Variants in CFAP54 observed in about 807,000 individuals in gnomAD.
CFAP54 encodes cilia- and flagella-associated protein 54.
CFAP54 carries 290 observed loss-of-function variants against 370.4 expected under a neutral mutation model. The observed-to-expected ratio is 0.78, with a 90% CI of 0.71 to 0.86. The LOEUF (loss-of-function observed/expected upper bound fraction) is 0.86. Ranked by LOEUF, CFAP54 falls within the 40% of genes least tolerant of loss-of-function variation. CFAP54 has a pLI of 0.00. For missense variants in CFAP54, 3,399 were observed against 3,528.7 expected, an observed-to-expected ratio of 0.96 and a Z score of 0.93; for synonymous variants, 1,206 against 1,236.5, an observed-to-expected ratio of 0.98 and a Z score of 0.52.
At chr12:96,776,737 G>A (rs1378731108) in intron 60 of CFAP54, among the ~76,000 whole-genome samples, 2 of 152,112 alleles carry the variant, frequency 1.3e-5, no homozygotes, top group African/African-American at 4.8e-5. Flanking sequence ...TTTGAACTCT[G>A]TTATATCAAA....
intron 56 of CFAP54, 111 bp from the exon 57 acceptor site, chr12:96,756,347 A>T: frequency 3.2e-6 from 2 of 633,968 alleles, no homozygotes; most frequent in Non-Finnish European, 5.4e-6. Flanking sequence ...AGACAGACAT[A>T]CAAAAGGACA....
intron 60 of CFAP54, among the ~76,000 whole-genome samples, chr12:96,775,435 A>C (rs1018842266): frequency 3.1e-4 from 47 of 151,542 alleles, no homozygotes; most frequent in Non-Finnish European, 5.8e-4. Flanking sequence ...TCCCCGACCC[A>C]AAAAAAAACT....
intron 36 of CFAP54, among the ~76,000 whole-genome samples, chr12:96,656,388 T>G (rs1245651710): frequency 6.6e-6 from 1 of 152,060 alleles, no homozygotes; most frequent in Non-Finnish European, 1.5e-5. Flanking sequence ...TTGTTGGTTT[T>G]TTTTTTGAGA....
chr12:96,871,478 C>T (rs7137724), intron 67 of CFAP54, among the ~76,000 whole-genome samples: 122,834 of 152,164 alleles, frequency 0.81, 50,217 homozygotes, highest in African/African-American at 0.94. Flanking sequence ...AACTCAACGA[C>T]GTTGCCCACA....
intron 32 of CFAP54, among the ~76,000 whole-genome samples, chr12:96,632,580 G>C (rs1216228443): frequency 6.6e-6 from 1 of 151,842 alleles, no homozygotes; most frequent in Non-Finnish European, 1.5e-5. Context: ...TCTCTTCTCT[G>C]TTTGATTAGT....
intron 8 of CFAP54, among the ~76,000 whole-genome samples, chr12:96,523,421 T>A (rs748836993): frequency 1.3e-5 from 2 of 152,218 alleles, no homozygotes; most frequent in African/African-American, 4.8e-5. Flanking sequence ...AGTAATCCTT[T>A]TTCTTTCTTT....
Position 96,691,214 on chromosome 12 carries a change from A to T in CFAP54, c.6168A>T (p.Glu2056Asp). The change falls in exon 44 of 68, where the codon GAA (glutamate) becomes GAT (aspartate). Residue 2056 changes from glutamate (E) to aspartate (D), a missense_variant. Glu to Asp is a conservative substitution (Grantham distance 45). This residue lies in a region of CFAP54 where 2,796 missense variants were observed against 2,869.7 expected (regional missense o/e 0.97). Transcript: ENST00000524981. Reference sequence around the variant, plus strand: ...TCACTCAGCTTCTCCCAGGCATTGAACTCTTCTCAGATAGATACAGGGCTG... The same window carrying T: ...TCACTCAGCTTCTCCCAGGCATTGATCTCTTCTCAGATAGATACAGGGCTG... ...YEITQLLPGI[E>D]LFSDRYRADI... The T allele has an allele frequency of 6.2e-7, 1 of 1,613,404 alleles. No individual in the cohort carries two copies. Among genetic ancestry groups the T allele is most frequent in the East Asian group, 2.2e-5 (1 of 44,802 alleles).
chr12:96,812,084 T>A (rs1436298599), intron 64 of CFAP54, among the ~76,000 whole-genome samples: 1 of 152,244 alleles, frequency 6.6e-6, no homozygotes. Flanking sequence ...GCAGTTTATG[T>A]AACCTCTGTA....
intron 64 of CFAP54, among the ~76,000 whole-genome samples, chr12:96,813,223 C>A (rs938106866): frequency 2.0e-5 from 3 of 152,074 alleles, no homozygotes; most frequent in Admixed American, 2.0e-4. Context: ...AGTAGGGTTA[C>A]TAAAATTAGT....
At chr12:96,769,493 T>G (rs1404610360) in intron 60 of CFAP54, among the ~76,000 whole-genome samples, 3 of 152,224 alleles carry the variant, frequency 2.0e-5, no homozygotes, top group African/African-American at 7.2e-5. Flanking sequence ...TATAGCTTTA[T>G]TCAGCAGCTC....
At chr12:96,873,257 G>C (rs1289261882) in intron 67 of CFAP54, among the ~76,000 whole-genome samples, 2 of 152,144 alleles carry the variant, frequency 1.3e-5, no homozygotes, top group African/African-American at 4.8e-5. Flanking sequence ...TGGGAGGTTT[G>C]AGTCAAGCTT....
chr12:96,521,525 TGTGTGTGTGTGTGTGTGTGTGTGCGC>T (rs1565883150), intron 6 of CFAP54, among the ~76,000 whole-genome samples: 1 of 118,286 alleles, frequency 8.5e-6, no homozygotes, highest in Non-Finnish European at 1.8e-5. Context: ...TGTGTGTGTG[TGTGTGTGTGTGTGTGTGTGTGTGCGC>T]GTGCGCACAT....
At chr12:96,567,616 A>G (rs754818011) in intron 19 of CFAP54, among the ~76,000 whole-genome samples, 2 of 152,088 alleles carry the variant, frequency 1.3e-5, no homozygotes, top group Non-Finnish European at 2.9e-5. Context: ...CTTCAGTCCT[A>G]TTTTTATGGC....
At chr12:96,497,010 A>T (rs1954962047) in intron 1 of CFAP54, among the ~76,000 whole-genome samples, 1 of 152,244 alleles carries the variant, frequency 6.6e-6, no homozygotes, top group Non-Finnish European at 1.5e-5. Flanking sequence ...AAATAAAACA[A>T]GAACAAATAA....
At chr12:96,564,889 T>C (rs574246233) in intron 19 of CFAP54, 124 bp downstream of exon 19, 5 of 447,266 alleles carry the variant, frequency 1.1e-5, no homozygotes, top group Non-Finnish European at 1.9e-5. Flanking sequence ...TCAGATTCAC[T>C]ATATATAATT....
intron 67 of CFAP54, among the ~76,000 whole-genome samples, chr12:96,866,485 T>G (rs1024866069): frequency 6.6e-6 from 1 of 152,144 alleles, no homozygotes; most frequent in Non-Finnish European, 1.5e-5. Flanking sequence ...AAGATAACTT[T>G]CATACATTTT....
intron 43 of CFAP54, among the ~76,000 whole-genome samples, chr12:96,690,747 C>T (rs1018675527): frequency 6.6e-6 from 1 of 151,990 alleles, no homozygotes; most frequent in Non-Finnish European, 1.5e-5. Context: ...GTTTAAGCCT[C>T]AATTATATCA....
intron 66 of CFAP54, among the ~76,000 whole-genome samples, chr12:96,860,034 A>G (rs1462963770): frequency 2.0e-5 from 3 of 152,126 alleles, no homozygotes; most frequent in Non-Finnish European, 2.9e-5. Flanking sequence ...GCCTCCAAAT[A>G]CAATATTCAC....
At chr12:96,708,054 A>G (rs1375580175) in intron 47 of CFAP54, among the ~76,000 whole-genome samples, 3 of 152,108 alleles carry the variant, frequency 2.0e-5, no homozygotes, top group African/African-American at 7.2e-5. Context: ...AGGGATGCAG[A>G]CCATAAGAGG....
Sources: gnomAD v4.1 joint callset for allele counts (sites outside exome capture counted in the v4.1 genomes callset) on GRCh38, gnomAD v4.1.1 for gene constraint, gnomAD v4.1.1 regional missense constraint, MANE v1.5 for transcripts, NCBI Gene and HGNC (gene_info 2026-07-23, HGNC 2026-07-21) for gene names.